The following CBR4 variants were observed in gnomAD, a reference collection of about 807,000 sequenced individuals.
CBR4 encodes the protein 3-oxoacyl-[acyl-carrier-protein] reductase.
A neutral mutation model predicts 21.0 loss-of-function variants in CBR4; 22 were observed. The ratio of observed to expected loss-of-function variants is 1.05; its 90% CI spans 0.75 to 1.50. The LOEUF is 1.50. Ranked by LOEUF, CBR4 falls within the 40% of genes most tolerant of loss-of-function variation. The probability of loss-of-function intolerance (pLI) is 0.00; values close to 1 mark genes in which losing one functional copy is unlikely to be tolerated. For missense variants in CBR4, 302 were observed against 286.3 expected (o/e 1.05, Z -0.40); for synonymous variants, 100 against 104.4 (o/e 0.96, Z 0.26).
intron 2 of CBR4, chr4:168,928,478 C>T (rs1762833972): frequency 5.8e-6 from 1 of 173,660 alleles, no homozygotes; most frequent in African/African-American, 2.4e-5. Context: ...GCTGCCATAA[C>T]AATTAGCATA....
rs1216822754 is a variant in CBR4, at chr4:168,913,997, C to T, written n.170-19232G>A. The T allele has an allele frequency of 3.1e-6, 5 of 1,609,568 alleles. No homozygotes were observed. Among genetic ancestry groups the T allele is most frequent in the Non-Finnish European group, 4.3e-6 (5 of 1,176,038 alleles). ...CAAAGAGGTCGAAGTCCCCGGTCTCCCTCAGGCCATCCTCATGTCAGAAGG... is the reference window on the plus strand; with the variant it reads ...CAAAGAGGTCGAAGTCCCCGGTCTCTCTCAGGCCATCCTCATGTCAGAAGG... On this transcript the variant is annotated intron_variant and non_coding_transcript_variant, in intron 2 of 3. Coordinates refer to the CBR4 transcript ENST00000509108.
chr4:168,925,497 A>C, intron 2 of CBR4: 2 of 542,628 alleles, frequency 3.7e-6, no homozygotes, highest in Non-Finnish European at 6.7e-6. Flanking sequence ...TGCACTCTAA[A>C]CGTGTGTTCC....
chr4:169,006,958 T>C (rs1730957717), intron 2 of CBR4, 67 bp from the exon 3 acceptor site: 4 of 1,290,858 alleles, frequency 3.1e-6, no homozygotes, highest in South Asian at 2.5e-5. Flanking sequence ...TCAAGACTAA[T>C]GTAACATTTT....
chr4:168,984,101 A>T (rs1253323660), downstream of CBR4, among the ~76,000 whole-genome samples: 1 of 152,202 alleles, frequency 6.6e-6, no homozygotes, highest in Non-Finnish European at 1.5e-5. Context: ...TCAAATAGGA[A>T]GAGGGGAAGT....
At chr4:168,932,432 G>A (rs530518457) in intron 2 of CBR4, among the ~76,000 whole-genome samples, 3 of 152,168 alleles carry the variant, frequency 2.0e-5, no homozygotes, top group East Asian at 3.9e-4. Context: ...GAATGTATGG[G>A]ACACTGTTAA....
At chr4:168,944,057 A>G (rs1243093943) in intron 2 of CBR4, among the ~76,000 whole-genome samples, 1 of 152,210 alleles carries the variant, frequency 6.6e-6, no homozygotes, top group African/African-American at 2.4e-5. Flanking sequence ...TACTTTTTAA[A>G]TTTATAAAAT....
chr4:168,987,598 C>A lies in CBR4; in HGVS notation c.*2552G>T, dbSNP rs1364891376. The A allele has an allele frequency of 1.1e-6, 1 of 891,784 alleles. No homozygotes were observed. Among genetic ancestry groups the A allele is most frequent in the Non-Finnish European group, 1.3e-6 (1 of 744,826 alleles). 55.2% of individuals were successfully genotyped at this position (891,784 alleles called of 1,614,324 possible). ...AAATTAACATCAGAAAGTTTAAAAT[C>A]ATTAAATACTTTATTTAAGAACAGT... On this transcript the variant is annotated 3_prime_UTR_variant, in exon 5 of 5. Coordinates refer to ENST00000306193, the MANE Select transcript of CBR4 (RefSeq NM_032783.5).
At chr4:168,993,917 T>C (rs544739525) in intron 4 of CBR4, among the ~76,000 whole-genome samples, 5 of 152,294 alleles carry the variant, frequency 3.3e-5, no homozygotes, top group African/African-American at 1.2e-4. Flanking sequence ...CACATTAAAC[T>C]AGATTCTGTT....
intron 2 of CBR4, among the ~76,000 whole-genome samples, chr4:168,897,140 AT>A (rs1321503075): frequency 6.6e-6 from 1 of 151,926 alleles, no homozygotes; most frequent in Non-Finnish European, 1.5e-5. Flanking sequence ...TCTGACTTGA[AT>A]TTAATTCTGT....
intron 2 of CBR4, chr4:168,898,419 T>C (rs746744278): frequency 1.2e-4 from 111 of 922,628 alleles, no homozygotes; most frequent in Non-Finnish European, 1.7e-4. Context: ...TAGGGCCTTA[T>C]TGGGGGGCAG....
chr4:168,926,442 T>A (rs563479771), intron 2 of CBR4: 1 of 1,245,648 alleles, frequency 8.0e-7, no homozygotes, highest in South Asian at 1.3e-5. Context: ...GACCAACATA[T>A]TCCTTTGTCA....
chr4:168,975,561 G>C (rs562964747), intron 2 of CBR4, among the ~76,000 whole-genome samples: 2 of 152,196 alleles, frequency 1.3e-5, no homozygotes, highest in Admixed American at 1.3e-4. Context: ...CTTGCCAGCT[G>C]CAGTAGTAGA....
At position 168,903,826 on chromosome 4, in the gene CBR4, G is replaced by A. The variant is rs746329925; in HGVS notation, n.170-9061C>T. 12 of 1,612,594 alleles carry A rather than the reference G, an allele frequency of 7.4e-6. No homozygotes were observed. The highest frequency in any genetic ancestry group is 2.7e-5 in the African/African-American group (2 of 74,890). On this transcript the variant is annotated intron_variant and non_coding_transcript_variant, in intron 2 of 3. Transcript: ENST00000509108. Reference sequence around the variant, plus strand: ...TCACTACACCATTCAAAGAGATCTCGATGGGACCTGCTCCCTCCATACCAC... The same window carrying A: ...TCACTACACCATTCAAAGAGATCTCAATGGGACCTGCTCCCTCCATACCAC...
intron 4 of CBR4, among the ~76,000 whole-genome samples, chr4:168,996,133 A>G (rs1267941150): frequency 6.6e-6 from 1 of 152,202 alleles, no homozygotes; most frequent in South Asian, 2.1e-4. Context: ...GGAATAACAA[A>G]TATCAGGGGA....
At chr4:168,917,195 C>T (rs536616190) in intron 2 of CBR4, among the ~76,000 whole-genome samples, 4 of 151,288 alleles carry the variant, frequency 2.6e-5, no homozygotes, top group Admixed American at 6.6e-5. Context: ...AGTACAGGCA[C>T]GCACCACCAC....
chr4:168,929,339 G>GAAA (rs989959073), intron 2 of CBR4, among the ~76,000 whole-genome samples: 42 of 152,170 alleles, frequency 2.8e-4, no homozygotes, highest in Non-Finnish European at 5.1e-4. Context: ...TCCATAAGGT[G>GAAA]AAAATATTTC....
intron 1 of CBR4, chr4:169,009,200 T>G (rs1322512063): frequency 2.6e-6 from 1 of 385,098 alleles, no homozygotes; most frequent in Non-Finnish European, 5.0e-6. Flanking sequence ...AATAGCATCT[T>G]CGGATCTAAC....
intron 2 of CBR4, among the ~76,000 whole-genome samples, chr4:168,972,296 G>A (rs1191987908): frequency 6.6e-6 from 1 of 152,102 alleles, no homozygotes. Context: ...TTTTAGGATT[G>A]CTTTTTCTAG....
intron 2 of CBR4, among the ~76,000 whole-genome samples, chr4:168,928,700 T>A (rs1762850464): frequency 6.6e-6 from 1 of 152,148 alleles, no homozygotes; most frequent in Admixed American, 6.5e-5. Context: ...AGAAGAGACG[T>A]CTCCTTTAGT....
Sources: gnomAD v4.1 joint callset for allele counts (sites outside exome capture counted in the v4.1 genomes callset) on GRCh38, gnomAD v4.1.1 for gene constraint, MANE v1.5 for transcripts, NCBI Gene and HGNC (gene_info 2026-07-23, HGNC 2026-07-21) for gene names.